BIRC6: variants seen among roughly 807,000 people sequenced by gnomAD.
The protein encoded by BIRC6 is dual E2 ubiquitin-conjugating enzyme/E3 ubiquitin-protein ligase BIRC6.
Under a neutral mutation model 503.3 loss-of-function variants are expected in BIRC6, and 98 were observed. The observed-to-expected ratio is 0.19, with a 90% CI of 0.17 to 0.23. The LOEUF (loss-of-function observed/expected upper bound fraction) is 0.23. Ranked by LOEUF, BIRC6 falls within the 10% of genes least tolerant of loss-of-function variation. The pLI is 1.00. For missense variants in BIRC6, 5,360 were observed against 5,806.0 expected (o/e 0.92, Z 2.50); for synonymous variants, 2,240 against 2,078.7 (o/e 1.08, Z -2.11).
At chr2:32,487,598 C>G (rs765533956) in intron 40 of BIRC6, 49 bp from the exon 41 acceptor site, 1 of 1,544,390 alleles carries the variant, frequency 6.5e-7, no homozygotes, top group Non-Finnish European at 8.9e-7. Context: ...CCAGTTAACA[C>G]ATATCCTGAT....
At chr2:32,540,799 A>G (rs369631942) in intron 61 of BIRC6, among the ~76,000 whole-genome samples, 3 of 152,092 alleles carry the variant, frequency 2.0e-5, no homozygotes, top group East Asian at 3.9e-4. Flanking sequence ...ATATTTAACT[A>G]TACCTTATTG....
intron 61 of BIRC6, among the ~76,000 whole-genome samples, chr2:32,542,228 ATATTGTCATTTTAAAAATTTTC>A (rs1319284629): frequency 6.6e-6 from 1 of 152,098 alleles, no homozygotes; most frequent in Non-Finnish European, 1.5e-5. Context: ...TATATCTCCC[ATATTGTCATTTTAAAAATTTTC>A]TACTAAAGGA....
chr2:32,455,322 G>A (rs887633328), intron 23 of BIRC6, among the ~76,000 whole-genome samples: 1 of 148,098 alleles, frequency 6.8e-6, no homozygotes, highest in Non-Finnish European at 1.5e-5. Context: ...GGAGCTTGCA[G>A]TGAGCTGAGA....
chr2:32,468,980 T>TG (rs1553449250), intron 29 of BIRC6, among the ~76,000 whole-genome samples, 197 bp downstream of exon 29: 2 of 149,778 alleles, frequency 1.3e-5, no homozygotes, highest in Non-Finnish European at 3.0e-5. Flanking sequence ...GTTGTGTGTG[T>TG]TTTTTTTGGG....
chr2:32,357,171 G>A lies in BIRC6; in HGVS notation c.10G>A (p.Gly4Ser). 6.6e-7 allele frequency: 1 copy of A among 1,524,288 alleles called. No individual in the cohort carries two copies. 94.4% of individuals were successfully genotyped at this position (1,524,288 alleles called of 1,614,324 possible). A position where few individuals can be genotyped will look rare whatever the true frequency, so the allele number is the denominator to read the frequency against. Residue 4 changes from glycine to serine, a missense_variant, in exon 1 of 74, where the codon GGT becomes AGT. By Grantham distance (56) the Gly-to-Ser change is moderately conservative. Coordinates refer to ENST00000421745, the MANE Select transcript of BIRC6 (RefSeq NM_016252.4). The surrounding 1 kb of genome is among the most constrained non-coding windows in gnomAD (Gnocchi z 4.9). MVT[G>S]GGAAPPGTVT... Reference sequence around the variant, plus strand: ...TGCCCCCTGGCCCCGGATGGTGACTGGTGGTGGTGCTGCACCTCCCGGGAC... The same window carrying A: ...TGCCCCCTGGCCCCGGATGGTGACTAGTGGTGGTGCTGCACCTCCCGGGAC...
chr2:32,380,098 T>C, intron 2 of BIRC6, 55 bp from the exon 3 acceptor site: 1 of 1,250,452 alleles, frequency 8.0e-7, no homozygotes, highest in Non-Finnish European at 1.1e-6. Flanking sequence ...TTTAATTTTT[T>C]GTTGTTCTTG....
intron 15 of BIRC6, 67 bp from the exon 16 acceptor site, chr2:32,439,441 G>T (rs2045151634): frequency 1.4e-6 from 2 of 1,437,042 alleles, no homozygotes; most frequent in South Asian, 1.3e-5. Context: ...CTTGTTCTAT[G>T]AAGATGAAAA....
In BIRC6 at chr2:32,509,886, A is replaced by G; in HGVS notation, c.10129A>G (p.Asn3377Asp). The change falls in exon 52 of 74, where the codon AAC becomes GAC. Residue 3377 changes from asparagine (N) to aspartate (D), a missense_variant. By Grantham distance (23) the Asn-to-Asp change is conservative. Transcript: ENST00000421745. ...ACCTTACTGTGGAATGCATTCACCC[A>G]ACATCGAGGTTGTGCTTGTAAAGAT... is the stretch of plus-strand genomic sequence containing the variant. ...MSPYCGMHSP[N>D]IEVVLVKIGL... The G allele has an allele frequency of 1.2e-6, 2 of 1,614,004 alleles. No individual in the cohort carries two copies. The highest frequency in any genetic ancestry group is 1.7e-6 in the Non-Finnish European group (2 of 1,179,892).
intron 65 of BIRC6, chr2:32,574,934 G>A (rs1038606244): frequency 1.8e-6 from 1 of 551,802 alleles, no homozygotes; most frequent in Non-Finnish European, 3.2e-6. Context: ...TCTTAGTAGA[G>A]ACAGGGTTTC....
intron 63 of BIRC6, among the ~76,000 whole-genome samples, chr2:32,546,150 T>C (rs2058040348): frequency 6.6e-6 from 1 of 152,186 alleles, no homozygotes; most frequent in African/African-American, 2.4e-5. Context: ...CTTCCTTTCC[T>C]TTTTGAACTT....
intron 43 of BIRC6, 36 bp from the exon 44 acceptor site, chr2:32,491,389 C>T: frequency 6.5e-7 from 1 of 1,550,346 alleles, no homozygotes; most frequent in Non-Finnish European, 8.7e-7. Flanking sequence ...ATTTCATGGT[C>T]CATTTCTTAA....
In BIRC6 at chr2:32,464,623, T is replaced by G; in HGVS notation, c.5056T>G (p.Phe1686Val). ...TTCCAACCCAGTGGCTGCCCCTGGA[T>G]TCTTCATTCATCCATCTGATGTTAT... is the stretch of plus-strand genomic sequence containing the variant. ...VPSNPVAAPG[F>V]FIHPSDVIPP... Residue 1686 changes from phenylalanine (F) to valine (V), a missense_variant, in exon 25 of 74, where the codon TTC becomes GTC. Phe to Val is a conservative substitution (Grantham distance 50). Transcript: ENST00000421745. 2 of 1,613,980 alleles carry G rather than the reference T, an allele frequency of 1.2e-6. No homozygotes were observed. Among genetic ancestry groups the G allele is most frequent in the South Asian group, 1.1e-5 (1 of 91,078 alleles).
Position 32,499,784 on chromosome 2 carries a change from T to C in BIRC6, c.8706T>C (p.Arg2902=), listed in dbSNP as rs748420611. Residue 2902 remains arginine (R), a synonymous_variant, in exon 46 of 74, where the codon CGT becomes CGC. Coordinates refer to ENST00000421745, the MANE Select transcript of BIRC6 (RefSeq NM_016252.4). The stretch of plus-strand genomic sequence containing the variant: ...GGGGACTCTTTGCCAATCTTATTCG[T>C]CCGGGTGATGCAAAAGCAGTTTGTG... ...CFGGLFANLI[R]PGDAKAVCGE... is the part of the protein sequence containing the mutation. The C allele has an allele frequency of 1.2e-6, 2 of 1,613,998 alleles. No individual in the cohort carries two copies. The highest frequency in any genetic ancestry group is 1.7e-6 in the Non-Finnish European group (2 of 1,179,866).
At chr2:32,531,589 A>T in intron 61 of BIRC6, 38 bp downstream of exon 61, 1 of 1,493,352 alleles carries the variant, frequency 6.7e-7, no homozygotes, top group Non-Finnish European at 9.1e-7. Flanking sequence ...ATCATTCCAT[A>T]GCTAAGCCCT....
chr2:32,374,421 C>T (rs1260549176), intron 1 of BIRC6, among the ~76,000 whole-genome samples: 1 of 151,984 alleles, frequency 6.6e-6, no homozygotes, highest in Non-Finnish European at 1.5e-5. Context: ...ACCTCAGTGT[C>T]CGAGTAGCTA....
At chr2:32,420,665 C>T (rs949947855) in intron 10 of BIRC6, among the ~76,000 whole-genome samples, 5 of 152,032 alleles carry the variant, frequency 3.3e-5, no homozygotes, top group Non-Finnish European at 5.9e-5. Context: ...AGGTACACCA[C>T]CATGCCTGGT....
rs75829413 is a variant in BIRC6, at chr2:32,569,694, A to G, written c.13145-5462A>G. On this transcript the variant is annotated intron_variant, in intron 65 of 73. Coordinates refer to ENST00000421745, the MANE Select transcript of BIRC6 (RefSeq NM_016252.4). Reference sequence around the variant, plus strand: ...TTCATTTTTTTTTTTTTCTGTAGCTATTGTAAATGAGATTGCTTTCTTGAT... The same window carrying G: ...TTCATTTTTTTTTTTTTCTGTAGCTGTTGTAAATGAGATTGCTTTCTTGAT... Among the ~76,000 whole-genome samples the G allele has an allele frequency of 0.011, 1,642 of 149,448 alleles. 48 individuals are homozygous for G. The East Asian group carries it at 0.13, about 12-fold the overall frequency.
In BIRC6 at chr2:32,357,256, C is replaced by T. The variant is rs1373858935; in HGVS notation, c.95C>T (p.Ala32Val). ...VLSAGRKMAA[A>V]AAAASGPGCS... ...AGCGCAGGCCGGAAGATGGCGGCTG[C>T]GGCTGCGGCGGCCTCGGGCCCCGGC... Residue 32 changes from alanine (A) to valine (V), a missense_variant, in exon 1 of 74, where the codon GCG (alanine) becomes GTG (valine). Physicochemically the swap from Ala to Val is moderately conservative, Grantham distance 64. This residue lies in a region of BIRC6 where 145 missense variants were observed against 106.9 expected (regional missense o/e 1.36). Transcript: ENST00000421745. The surrounding 1 kb of genome is among the most constrained non-coding windows in gnomAD (Gnocchi z 4.9). 3 of 1,521,590 alleles carry T rather than the reference C, an allele frequency of 2.0e-6. No individual in the cohort carries two copies. Among genetic ancestry groups the T allele is most frequent in the African/African-American group, 1.4e-5 (1 of 69,322 alleles). The allele number at this position is 1,521,590 out of a possible 1,614,324, so 94.3% of individuals were successfully genotyped here. A position where few individuals can be genotyped will look rare whatever the true frequency, so the allele number is the denominator to read the frequency against.
At chr2:32,586,423 CTTTTTTTTTTTTT>C (rs972959083) in intron 66 of BIRC6, among the ~76,000 whole-genome samples, 1 of 70,978 alleles carries the variant, frequency 1.4e-5, no homozygotes, top group Non-Finnish European at 2.6e-5. Flanking sequence ...TCAAGCAGTC[CTTTTTTTTTTTTT>C]TTTTTTTTTT....
Sources: allele counts gnomAD v4.1 joint callset (sites outside exome capture counted in the v4.1 genomes callset), GRCh38; gene constraint gnomAD v4.1.1; regional missense constraint gnomAD v4.1.1; non-coding constraint Gnocchi (gnomAD v3.1); transcripts MANE v1.5; gene names NCBI Gene and HGNC (gene_info 2026-07-23, HGNC 2026-07-21).